Variants in ASH1L observed in about 807,000 individuals in gnomAD.
ASH1L encodes the protein ASH1 like histone lysine methyltransferase.
Under a neutral mutation model 269.0 loss-of-function variants are expected in ASH1L, and 23 were observed. The observed-to-expected ratio is 0.09, with a 90% CI of 0.06 to 0.12. ASH1L has a LOEUF of 0.12. Ranked by LOEUF, ASH1L falls within the 10% of genes least tolerant of loss-of-function variation. ASH1L has a pLI of 1.00. For synonymous variants in ASH1L, 1,187 were observed against 1,253.5 expected, an observed-to-expected ratio of 0.95 and a Z score of 1.12; for missense variants, 2,912 against 3,567.8, an observed-to-expected ratio of 0.82 and a Z score of 4.68.
At chr1:155,552,026 GTATGT>G (rs1476575723) in intron 1 of ASH1L, among the ~76,000 whole-genome samples, 4 of 152,078 alleles carry the variant, frequency 2.6e-5, no homozygotes, top group Non-Finnish European at 4.4e-5. Flanking sequence ...CTGGCTAACA[GTATGT>G]TATATCAGTA....
At chr1:155,496,476 T>C (rs1431238102) in intron 2 of ASH1L, among the ~76,000 whole-genome samples, 1 of 152,250 alleles carries the variant, frequency 6.6e-6, no homozygotes, top group African/African-American at 2.4e-5. Context: ...TATATATGTA[T>C]GCATGTATAT....
chr1:155,359,590 G>A (rs1654755854), intron 13 of ASH1L, among the ~76,000 whole-genome samples: 1 of 151,328 alleles, frequency 6.6e-6, no homozygotes, highest in African/African-American at 2.4e-5. Flanking sequence ...CTTTTTTTGT[G>A]TTTGAGACAG....
chr1:155,433,260 C>A, intron 5 of ASH1L: 3 of 1,557,092 alleles, frequency 1.9e-6, no homozygotes, highest in Non-Finnish European at 2.6e-6. Context: ...GGGCCGGAGC[C>A]GGGCTGGGTT....
chr1:155,553,705 A>G (rs1434826583), intron 1 of ASH1L, among the ~76,000 whole-genome samples: 3 of 152,176 alleles, frequency 2.0e-5, no homozygotes, highest in Non-Finnish European at 4.4e-5. Flanking sequence ...GGACAAAAAC[A>G]TTACATAGTA....
At chr1:155,340,257 C>T (rs189793512) in intron 25 of ASH1L, among the ~76,000 whole-genome samples, 6 of 152,172 alleles carry the variant, frequency 3.9e-5, no homozygotes, top group Admixed American at 2.0e-4. Context: ...GATCTTGGCT[C>T]ACTGCAATCT....
intron 8 of ASH1L, among the ~76,000 whole-genome samples, chr1:155,378,965 C>T (rs1656705441): frequency 6.6e-6 from 1 of 151,798 alleles, no homozygotes; most frequent in African/African-American, 2.4e-5. Flanking sequence ...AAGATGAGTA[C>T]CCTGGCTTTT....
chr1:155,560,279 G>A (rs1571165139), intron 1 of ASH1L, among the ~76,000 whole-genome samples: 1 of 152,150 alleles, frequency 6.6e-6, no homozygotes. Flanking sequence ...TCTTTCATCA[G>A]ATTCTCAAAA....
intron 7 of ASH1L, among the ~76,000 whole-genome samples, chr1:155,384,125 T>G (rs542465869): frequency 1.6e-4 from 24 of 152,332 alleles, no homozygotes; most frequent in African/African-American, 5.8e-4. Context: ...CTATTGTATA[T>G]ATCCATGTTT....
intron 6 of ASH1L, among the ~76,000 whole-genome samples, chr1:155,404,983 G>A (rs1037990719): frequency 6.6e-5 from 10 of 151,478 alleles, no homozygotes; most frequent in Admixed American, 3.3e-4. Context: ...AGCTGAGACC[G>A]CACCACTGCA....
intron 5 of ASH1L, among the ~76,000 whole-genome samples, chr1:155,421,872 T>G (rs1660714136): frequency 6.6e-6 from 1 of 152,094 alleles, no homozygotes; most frequent in Non-Finnish European, 1.5e-5. Flanking sequence ...ATCTACCTTT[T>G]AAACCATTTT....
chr1:155,343,496 T>C lies in ASH1L; in HGVS notation c.8121-10A>G, dbSNP rs760481524. On this transcript the variant is annotated splice_polypyrimidine_tract_variant and intron_variant, in intron 23 of 27. Coordinates refer to ENST00000392403, the MANE Select transcript of ASH1L (RefSeq NM_018489.3). This position sits in a 1 kb window ranked among gnomAD's most constrained non-coding sequence, Gnocchi z 6.1. ...GGCAAACCGTTCCTCTCTAAAACAA[T>C]GGAAAAGTGAGAAGGGAGAGGTTTA... The C allele has an allele frequency of 9.9e-6, 16 of 1,613,354 alleles. No homozygotes were observed. The highest frequency in any genetic ancestry group is 1.3e-5 in the African/African-American group (1 of 74,970).
chr1:155,492,911 C>T (rs780387393), intron 2 of ASH1L, among the ~76,000 whole-genome samples: 69 of 151,938 alleles, frequency 4.5e-4, no homozygotes, highest in Non-Finnish European at 9.3e-4. Context: ...CAACTTTTGC[C>T]CCCCCAAGCT....
intron 2 of ASH1L, among the ~76,000 whole-genome samples, chr1:155,484,595 C>T (rs1372069574): frequency 1.3e-5 from 2 of 152,030 alleles, no homozygotes; most frequent in Admixed American, 1.3e-4. Context: ...TATTGAGAAT[C>T]TACATCCTAA....
In ASH1L at chr1:155,479,895, A is replaced by G; in HGVS notation, c.2975T>C (p.Leu992Ser). 2 of 1,613,262 alleles carry G rather than the reference A, an allele frequency of 1.2e-6. No homozygotes were observed. The highest frequency in any genetic ancestry group is 1.7e-6 in the Non-Finnish European group (2 of 1,179,648). Residue 992 changes from leucine to serine, a missense_variant, in exon 3 of 28, where the codon TTA becomes TCA. Leu to Ser is a moderately radical substitution (Grantham distance 145). This residue lies in a region of ASH1L where 715 missense variants were observed against 721.0 expected (regional missense o/e 0.99). Coordinates refer to ENST00000392403, the MANE Select transcript of ASH1L (RefSeq NM_018489.3). ...IIRKINKMKT[L>S]KRKKLLNQIL... The stretch of plus-strand genomic sequence containing the variant: ...CTGATTCAACAGTTTCTTTCTCTTT[A>G]AAGTCTTCATTTTATTTATTTTGCG...
intron 4 of ASH1L, among the ~76,000 whole-genome samples, chr1:155,440,236 A>C (rs1384433429): frequency 2.0e-5 from 3 of 152,014 alleles, no homozygotes; most frequent in Non-Finnish European, 4.4e-5. Flanking sequence ...TGAGCCATGG[A>C]GTTTGAGGCT....
At position 155,343,277 on chromosome 1, in the gene ASH1L, G is replaced by C. The variant is rs1469315357; in HGVS notation, c.8293+37C>G. ...ATTATCAGCGTGAGCCACTGCACTT[G>C]GCCGAGGTCATTTTTTAACTAGCCC... On this transcript the variant is annotated intron_variant, in intron 24 of 27. Coordinates refer to ENST00000392403, the MANE Select transcript of ASH1L (RefSeq NM_018489.3). This position sits in a 1 kb window ranked among gnomAD's most constrained non-coding sequence, Gnocchi z 6.1. 1.3e-6 allele frequency: 2 copies of C among 1,585,438 alleles called. No individual in the cohort carries two copies. The highest frequency in any genetic ancestry group is 2.3e-5 in the South Asian group (2 of 85,890).
intron 12 of ASH1L, 49 bp downstream of exon 12, chr1:155,370,455 A>T (rs1655844216): frequency 6.2e-7 from 1 of 1,609,454 alleles, no homozygotes; most frequent in South Asian, 1.1e-5. Context: ...TGCTGCACTC[A>T]ATGCTTATTC....
At chr1:155,420,841 C>T (rs563594019) in intron 5 of ASH1L, among the ~76,000 whole-genome samples, 39 of 67,756 alleles carry the variant, frequency 5.8e-4, no homozygotes, top group African/African-American at 1.6e-3. Flanking sequence ...CAGAGCAAGG[C>T]TCCATTAAAA....
chr1:155,458,492 A>T (rs1011375225), intron 4 of ASH1L, among the ~76,000 whole-genome samples: 1 of 152,198 alleles, frequency 6.6e-6, no homozygotes, highest in Non-Finnish European at 1.5e-5. Flanking sequence ...AGGCCGGCAG[A>T]TCATCTGAGG....
Sources: gnomAD v4.1 joint callset for allele counts (sites outside exome capture counted in the v4.1 genomes callset) on GRCh38, gnomAD v4.1.1 for gene constraint, gnomAD v4.1.1 regional missense constraint, Gnocchi (gnomAD v3.1) non-coding constraint, MANE v1.5 for transcripts, NCBI Gene and HGNC (gene_info 2026-07-23, HGNC 2026-07-21) for gene names.